The following ACTR1B variants were observed in gnomAD, a reference collection of about 807,000 sequenced individuals.
The protein encoded by ACTR1B is beta-centractin.
Under a neutral mutation model 49.4 loss-of-function variants are expected in ACTR1B, and 34 were observed. The observed-to-expected ratio is 0.69, with a 90% CI of 0.52 to 0.92. The LOEUF (loss-of-function observed/expected upper bound fraction) is 0.92. Among genes scored for constraint, ACTR1B ranks in the 40% least tolerant of loss-of-function variants. ACTR1B has a pLI of 0.00. For missense variants in ACTR1B, 471 were observed against 522.4 expected (o/e 0.90, Z 0.96); for synonymous variants, 207 against 207.8 (o/e 1.00, Z 0.03).
At chr2:97,660,267 C>CA (rs1235107948) in intron 3 of ACTR1B, among the ~76,000 whole-genome samples, 1 of 152,268 alleles carries the variant, frequency 6.6e-6, no homozygotes, top group East Asian at 1.9e-4. Context: ...GAGGCGGCCC[C>CA]ATGGCCCTCA....
Position 97,663,945 on chromosome 2 carries a change from G to A in ACTR1B, c.-55C>T, listed in dbSNP as rs1181183055. 3 of 979,186 alleles carry A rather than the reference G, an allele frequency of 3.1e-6. No individual in the cohort carries two copies. The highest frequency in any genetic ancestry group is 1.7e-5 in the African/African-American group (1 of 57,184). The allele number at this position is 979,186 out of a possible 1,614,324, so 60.7% of individuals were successfully genotyped here. Reference sequence around the variant, plus strand: ...GCGGGCTGCAGGAGGCACCGGATGGGCGGGCGGGCGGGAGGACCGGGACGG... The same window carrying A: ...GCGGGCTGCAGGAGGCACCGGATGGACGGGCGGGCGGGAGGACCGGGACGG... On this transcript the variant is annotated 5_prime_UTR_variant, in exon 1 of 11. Transcript: ENST00000289228.
chr2:97,656,165 A>T lies in ACTR1B; in HGVS notation c.*693T>A, dbSNP rs1463178849. The T allele has an allele frequency of 6.6e-6, 1 of 152,246 alleles. No individual in the cohort carries two copies. Among genetic ancestry groups the T allele is most frequent in the African/African-American group, 2.4e-5 (1 of 41,446 alleles). The allele number at this position is 152,246 out of a possible 1,614,324, so 9.4% of individuals were successfully genotyped here. A position where few individuals can be genotyped will look rare whatever the true frequency, so the allele number is the denominator to read the frequency against. Reference sequence around the variant, plus strand: ...CTTATTAAGTGGCTTCCCCTCAATAAATGATGAGCATCAACCCTTTCCCAC... The same window carrying T: ...CTTATTAAGTGGCTTCCCCTCAATATATGATGAGCATCAACCCTTTCCCAC... On this transcript the variant is annotated 3_prime_UTR_variant, in exon 11 of 11. Coordinates refer to ENST00000289228, the MANE Select transcript of ACTR1B (RefSeq NM_005735.4).
rs142996046 is a variant in ACTR1B, at chr2:97,658,986, C to T, written c.333G>A (p.Thr111=). ...TFSEEHPVLL[T]EAPLNPSKNR... ...TCTTACTCGGGTTGAGCGGGGCCTC[C>T]GTGAGGAGCACAGGATGCTGCGAGG... is the stretch of plus-strand genomic sequence containing the variant. The change falls in exon 5 of 11, where the codon ACG becomes ACA. Residue 111 remains threonine (T), a synonymous_variant. Transcript: ENST00000289228. This position sits in a 1 kb window ranked among gnomAD's most constrained non-coding sequence, Gnocchi z 5.9. The T allele has an allele frequency of 5.5e-3, 8,830 of 1,614,090 alleles. 42 individuals are homozygous for T. Among genetic ancestry groups the T allele is most frequent in the Non-Finnish European group, 5.6e-3 (6,647 of 1,180,014 alleles).
chr2:97,659,531 T>A lies in ACTR1B; in HGVS notation c.190-54A>T. On this transcript the variant is annotated intron_variant, in intron 3 of 10. Coordinates refer to ENST00000289228, the MANE Select transcript of ACTR1B (RefSeq NM_005735.4). The surrounding 1 kb of genome is among the most constrained non-coding windows in gnomAD (Gnocchi z 4.0). ...CCCGGCCCTTGCTCAGCGGCTGCTT[T>A]CCGCCCTCCTGGAAGCTGACCCTCA... is the stretch of plus-strand genomic sequence containing the variant. 2 of 1,603,514 alleles carry A rather than the reference T, an allele frequency of 1.2e-6. No homozygotes were observed. Among genetic ancestry groups the A allele is most frequent in the Non-Finnish European group, 1.7e-6 (2 of 1,178,098 alleles).
rs776056507 is a variant in ACTR1B at position 97,658,834 on chromosome 2, C to G, written c.440+45G>C. 1.2e-6 allele frequency: 2 copies of G among 1,613,126 alleles called. No homozygotes were observed. The highest frequency in any genetic ancestry group is 1.7e-6 in the Non-Finnish European group (2 of 1,179,556). On this transcript the variant is annotated intron_variant, in intron 5 of 10. Transcript: ENST00000289228. This position sits in a 1 kb window ranked among gnomAD's most constrained non-coding sequence, Gnocchi z 5.9. ...CCTGGTCATGGCAAGCAGGACGGCA[C>G]AGGGAGGACAGGACTCAGGGAGGCC...
chr2:97,656,830 T>A lies in ACTR1B; in HGVS notation c.*28A>T. On this transcript the variant is annotated 3_prime_UTR_variant, in exon 11 of 11. Transcript: ENST00000289228. ...GCTCTGTCTCCCCTCCCTCCCCCTC[T>A]CCCAACATGCCCCGCCCTCCTTGGG... is the stretch of plus-strand genomic sequence containing the variant. 1 of 1,540,392 alleles carries A rather than the reference T, an allele frequency of 6.5e-7. No individual in the cohort carries two copies. The highest frequency in any genetic ancestry group is 8.8e-7 in the Non-Finnish European group (1 of 1,133,032).
rs781748439 is a variant in ACTR1B, at chr2:97,658,633, C to T, written c.451G>A (p.Gly151Arg). The T allele has an allele frequency of 6.2e-7, 1 of 1,613,880 alleles. No individual in the cohort carries two copies. Among genetic ancestry groups the T allele is most frequent in the Admixed American group, 1.7e-5 (1 of 60,018 alleles). ...TCTAGAACCACTCCTGTCGTGCGTCCTGTTGCGTACCTGTCACCAGGTCAG... is the reference window on the plus strand; with the variant it reads ...TCTAGAACCACTCCTGTCGTGCGTCTTGTTGCGTACCTGTCACCAGGTCAG... ...MQAVLSLYAT[G>R]RTTGVVLDSG... is the part of the protein sequence containing the mutation. Residue 151 changes from glycine (G) to arginine (R), a missense_variant, in exon 6 of 11, where the codon GGA (glycine) becomes AGA (arginine). Physicochemically the swap from Gly to Arg is moderately radical, Grantham distance 125 (BLOSUM62 -2). Coordinates refer to ENST00000289228, the MANE Select transcript of ACTR1B (RefSeq NM_005735.4). The surrounding 1 kb of genome is among the most constrained non-coding windows in gnomAD (Gnocchi z 5.9).
Position 97,658,142 on chromosome 2 carries a change from A to G in ACTR1B, c.751-25T>C. 1 of 1,613,176 alleles carries G rather than the reference A, an allele frequency of 6.2e-7. No homozygotes were observed. The highest frequency in any genetic ancestry group is 8.5e-7 in the Non-Finnish European group (1 of 1,179,444). On this transcript the variant is annotated intron_variant, in intron 7 of 10. Transcript: ENST00000289228. This position sits in a 1 kb window ranked among gnomAD's most constrained non-coding sequence, Gnocchi z 5.9. Reference sequence around the variant, plus strand: ...CCTTTAGTGTACAAGATTGAGGCAGACAGGCTTCCTGGAGAAGCGGGCTAC... The same window carrying G: ...CCTTTAGTGTACAAGATTGAGGCAGGCAGGCTTCCTGGAGAAGCGGGCTAC...
At chr2:97,663,770 G>A (rs1675100476) in intron 1 of ACTR1B, 73 bp downstream of exon 1, 2 of 1,013,596 alleles carry the variant, frequency 2.0e-6, no homozygotes, top group Non-Finnish European at 2.5e-6. Context: ...GGCGGGCGGG[G>A]GTCTCTCCCT....
Position 97,661,872 on chromosome 2 carries a change from C to T in ACTR1B, c.113+10G>A, listed in dbSNP as rs757386755. On this transcript the variant is annotated intron_variant, in intron 2 of 10. Coordinates refer to ENST00000289228, the MANE Select transcript of ACTR1B (RefSeq NM_005735.4). ...AAAAGGACTAAGGCTGCTGCCTGAG[C>T]CACACTTACTAGTTTGGGAAACAGT... 8.8e-6 allele frequency: 14 copies of T among 1,584,306 alleles called. No homozygotes were observed. Among genetic ancestry groups the T allele is most frequent in the African/African-American group, 5.4e-5 (4 of 74,590 alleles).
intron 3 of ACTR1B, among the ~76,000 whole-genome samples, chr2:97,660,098 G>C (rs985640862): frequency 6.6e-6 from 1 of 151,628 alleles, no homozygotes; most frequent in African/African-American, 2.4e-5. Flanking sequence ...CCAGAACCAC[G>C]CATGCCCCAC....
Position 97,657,989 on chromosome 2 carries a change from C to T in ACTR1B, c.879G>A (p.Thr293=), listed in dbSNP as rs766871606. ...IHKSDMDLRR[T]LFANIVLSGG... Reference sequence around the variant, plus strand: ...CTGAGAGCACGATGTTGGCGAACAGCGTCCGGCGCAGGTCCATGTCGGACT... The same window carrying T: ...CTGAGAGCACGATGTTGGCGAACAGTGTCCGGCGCAGGTCCATGTCGGACT... The change falls in exon 8 of 11, where the codon ACG becomes ACA. Residue 293 remains threonine, a synonymous_variant. Coordinates refer to ENST00000289228, the MANE Select transcript of ACTR1B (RefSeq NM_005735.4). 12 of 1,614,188 alleles carry T rather than the reference C, an allele frequency of 7.4e-6. No individual in the cohort carries two copies. Among genetic ancestry groups the T allele is most frequent in the Admixed American group, 5.0e-5 (3 of 60,032 alleles).
chr2:97,660,585 C>T lies in ACTR1B; in HGVS notation c.175G>A (p.Gly59Arg), dbSNP rs763519581. The change falls in exon 3 of 11, where the codon GGA becomes AGA. Residue 59 changes from glycine (G) to arginine (R), a missense_variant. By Grantham distance (125) the Gly-to-Arg change is moderately radical. Transcript: ENST00000289228. Reference protein sequence around the residue: ...AGALEGDLFIGPKAEEHRGLL... With the variant: ...AGALEGDLFIRPKAEEHRGLL... Reference sequence around the variant, plus strand: ...CTCGGTGTTACCTCTGCTTTTGGTCCGATGAAGAGGTCCCCCTCCAGGGCT... The same window carrying T: ...CTCGGTGTTACCTCTGCTTTTGGTCTGATGAAGAGGTCCCCCTCCAGGGCT... 3.7e-6 allele frequency: 6 copies of T among 1,614,100 alleles called. No individual in the cohort carries two copies. The highest frequency in any genetic ancestry group is 1.1e-5 in the South Asian group (1 of 91,084).
Position 97,658,685 on chromosome 2 carries a change from A to G in ACTR1B, c.441-42T>C. On this transcript the variant is annotated intron_variant, in intron 5 of 10. Transcript: ENST00000289228. This position sits in a 1 kb window ranked among gnomAD's most constrained non-coding sequence, Gnocchi z 5.9. ...ATCCCCTCACCTCAGCCACTGAGGC[A>G]CGGGGACCTCCTCACCCAGGGGAGG... 6.2e-7 allele frequency: 1 copy of G among 1,603,674 alleles called. No individual in the cohort carries two copies. Among genetic ancestry groups the G allele is most frequent in the Non-Finnish European group, 8.5e-7 (1 of 1,172,154 alleles).
intron 1 of ACTR1B, 59 bp from the exon 2 acceptor site, chr2:97,662,005 C>T (rs562517553): frequency 6.9e-5 from 105 of 1,525,636 alleles, no homozygotes; most frequent in South Asian, 3.6e-5. Flanking sequence ...GCCAGTCCCC[C>T]GCAATGGAGA....
In ACTR1B at chr2:97,658,302, C is replaced by A. The variant is rs1024871070; in HGVS notation, c.672G>T (p.Leu224=). 1 of 1,614,236 alleles carries A rather than the reference C, an allele frequency of 6.2e-7. No homozygotes were observed. Among genetic ancestry groups the A allele is most frequent in the Non-Finnish European group, 8.5e-7 (1 of 1,180,038 alleles). ...VRTIKERACY[L]SINPQKDEAL... is the part of the protein sequence containing the mutation. ...CCTCATCCTTCTGTGGGTTGATGGA[C>A]AGGTAGCACGCTCGCTGCGGGGACA... Residue 224 remains leucine, a synonymous_variant, in exon 7 of 11, where the codon CTG becomes CTT. Transcript: ENST00000289228. This position sits in a 1 kb window ranked among gnomAD's most constrained non-coding sequence, Gnocchi z 5.9.
chr2:97,661,832 T>G, intron 2 of ACTR1B, 50 bp downstream of exon 2: 1 of 1,543,436 alleles, frequency 6.5e-7, no homozygotes, highest in Non-Finnish European at 8.8e-7. Context: ...GCCAATGTTC[T>G]TACAGAAGGT....
At chr2:97,657,669 G>GCCTGCGGGC (rs1215303665) in intron 8 of ACTR1B, among the ~76,000 whole-genome samples, 160 bp from the exon 9 acceptor site, 5 of 152,228 alleles carry the variant, frequency 3.3e-5, no homozygotes, top group African/African-American at 1.2e-4. Context: ...CCCCATGGCT[G>GCCTGCGGGC]CCTGCGGGCC....
intron 1 of ACTR1B, among the ~76,000 whole-genome samples, chr2:97,663,253 G>A (rs1210653033): frequency 6.6e-6 from 1 of 152,228 alleles, no homozygotes; most frequent in Non-Finnish European, 1.5e-5. Flanking sequence ...TGGGAAGAGT[G>A]GCCATGAACT....
Sources: allele counts gnomAD v4.1 joint callset (sites outside exome capture counted in the v4.1 genomes callset), GRCh38; gene constraint gnomAD v4.1.1; non-coding constraint Gnocchi (gnomAD v3.1); transcripts MANE v1.5; gene names NCBI Gene and HGNC (gene_info 2026-07-23, HGNC 2026-07-21).